LSAMP: variants seen among roughly 807,000 people sequenced by gnomAD.
LSAMP encodes the protein limbic system associated membrane protein, also known as limbic system-associated membrane protein.
Under a neutral mutation model 38.6 loss-of-function variants are expected in LSAMP, and 7 were observed. That is an observed-to-expected ratio of 0.18 (90% CI 0.10 to 0.34). The LOEUF is 0.34. Among genes scored for constraint, LSAMP ranks in the 10% least tolerant of loss-of-function variants. LSAMP has a pLI of 1.00. For synonymous variants in LSAMP, 154 were observed against 166.8 expected (o/e 0.92, Z 0.59); for missense variants, 313 against 420.0 (o/e 0.75, Z 2.23).
chr3:116,391,589 G>GC (rs1440890973), intron 1 of LSAMP, among the ~76,000 whole-genome samples: 1 of 152,074 alleles, frequency 6.6e-6, no homozygotes, highest in Admixed American at 6.5e-5. Flanking sequence ...GCAGGGCGCG[G>GC]GGGTGGCAAG....
chr3:116,409,643 CTCCATATTAACGTAT>C (rs1459109754), intron 1 of LSAMP, among the ~76,000 whole-genome samples: 3 of 152,008 alleles, frequency 2.0e-5, no homozygotes, highest in Admixed American at 1.3e-4. Flanking sequence ...CATTTAATTA[CTCCATATTAACGTAT>C]AAATACAAGG....
At chr3:115,839,947 T>C (rs1412108571) in intron 6 of LSAMP, among the ~76,000 whole-genome samples, 3 of 152,228 alleles carry the variant, frequency 2.0e-5, no homozygotes, top group African/African-American at 7.2e-5. Context: ...TGGACTTCTG[T>C]TATAGGGCAT....
chr3:116,160,414 GAGA>G, intron 1 of LSAMP, among the ~76,000 whole-genome samples: 1 of 139,754 alleles, frequency 7.2e-6, no homozygotes, highest in African/African-American at 2.6e-5. Flanking sequence ...AAGAAAGAGA[GAGA>G]GGGAGGGAGG....
At chr3:116,267,611 CAAAAA>C (rs59540404) in intron 1 of LSAMP, among the ~76,000 whole-genome samples, 1 of 140,120 alleles carries the variant, frequency 7.1e-6, no homozygotes, top group East Asian at 2.1e-4. Flanking sequence ...TTTAAGCTGG[CAAAAA>C]AAAAAAAAAA....
At chr3:115,939,334 C>T (rs540943762) in intron 3 of LSAMP, among the ~76,000 whole-genome samples, 95 of 152,106 alleles carry the variant, frequency 6.2e-4, no homozygotes, top group African/African-American at 2.2e-3. Flanking sequence ...TCTAGGGATG[C>T]AGCATTGTAC....
intron 1 of LSAMP, among the ~76,000 whole-genome samples, chr3:116,325,587 G>T (rs2047759619): frequency 6.6e-6 from 1 of 152,088 alleles, no homozygotes; most frequent in Admixed American, 6.6e-5. Context: ...ATATATAACA[G>T]GAACAAACAG....
At chr3:116,273,813 T>TC (rs1366882405) in intron 1 of LSAMP, among the ~76,000 whole-genome samples, 28,193 of 136,148 alleles carry the variant, frequency 0.21, 3,229 homozygotes, top group African/African-American at 0.26. Flanking sequence ...TTTTCTTTCT[T>TC]TCTCTCTCTC....
At position 115,803,717 on chromosome 3, in the gene LSAMP, T is replaced by C. The variant is rs1204833576; in HGVS notation, c.*6600A>G. On this transcript the variant is annotated 3_prime_UTR_variant, in exon 7 of 7. Transcript: ENST00000490035. ...ATTTGCTTTATTTCATAGCCTATAA[T>C]TCAAGCTTTGGGAAACTTATCCCAT... The C allele has an allele frequency of 1.3e-5, 2 of 152,194 alleles. No individual in the cohort carries two copies. Among genetic ancestry groups the C allele is most frequent in the South Asian group, 2.1e-4 (1 of 4,826 alleles). The allele number at this position is 152,194 out of a possible 1,614,324, so 9.4% of individuals were successfully genotyped here.
intron 1 of LSAMP, among the ~76,000 whole-genome samples, chr3:116,212,337 G>C (rs1007107384): frequency 5.3e-5 from 8 of 151,888 alleles, no homozygotes; most frequent in African/African-American, 1.9e-4. Context: ...TTTTTGTTTT[G>C]TTTTTCATTT....
intron 1 of LSAMP, among the ~76,000 whole-genome samples, chr3:116,243,480 C>A (rs758511298): frequency 2.0e-5 from 3 of 152,108 alleles, no homozygotes; most frequent in Non-Finnish European, 4.4e-5. Context: ...TTTCACTTTT[C>A]TATGTGTTAG....
chr3:116,052,856 C>A (rs996123072), intron 2 of LSAMP, among the ~76,000 whole-genome samples: 2 of 152,200 alleles, frequency 1.3e-5, no homozygotes, highest in African/African-American at 4.8e-5. Flanking sequence ...GCTCCCTGGA[C>A]TCTCTAACCT....
chr3:116,065,751 A>T (rs1316357478), intron 2 of LSAMP, among the ~76,000 whole-genome samples: 1 of 152,178 alleles, frequency 6.6e-6, no homozygotes, highest in East Asian at 1.9e-4. Flanking sequence ...TTTTGTTTAT[A>T]TTCCTCCTCT....
chr3:115,864,722 TA>T (rs1327418160), intron 3 of LSAMP, among the ~76,000 whole-genome samples: 1 of 152,094 alleles, frequency 6.6e-6, no homozygotes, highest in Non-Finnish European at 1.5e-5. Context: ...CCTCCCAGCC[TA>T]AACAGTGTGA....
chr3:116,412,999 AT>A (rs2049000045), intron 1 of LSAMP, among the ~76,000 whole-genome samples: 1 of 152,056 alleles, frequency 6.6e-6, no homozygotes, highest in Non-Finnish European at 1.5e-5. Context: ...GATTCTCAAA[AT>A]GTGGTTTCTT....
intron 1 of LSAMP, among the ~76,000 whole-genome samples, chr3:116,134,137 GT>G (rs1273880779): frequency 6.6e-6 from 1 of 151,872 alleles, no homozygotes; most frequent in Non-Finnish European, 1.5e-5. Context: ...GTTATTATTG[GT>G]TTAAAAAAAA....
intron 1 of LSAMP, among the ~76,000 whole-genome samples, chr3:116,271,863 G>A (rs1409616073): frequency 6.6e-6 from 1 of 151,998 alleles, no homozygotes; most frequent in African/African-American, 2.4e-5. Context: ...GAGAAGGATA[G>A]ATAGAAACTA....
intron 1 of LSAMP, among the ~76,000 whole-genome samples, chr3:116,248,477 A>ATG (rs3028670): frequency 0.031 from 4,420 of 140,580 alleles, 136 homozygotes; most frequent in African/African-American, 0.072. Context: ...CCTGTCTCTA[A>ATG]TGTGTGTGTG....
chr3:116,263,761 A>G (rs2046860507), intron 1 of LSAMP, among the ~76,000 whole-genome samples: 1 of 152,186 alleles, frequency 6.6e-6, no homozygotes, highest in African/African-American at 2.4e-5. Context: ...TAATGGTTAT[A>G]TCCACTAATA....
intron 3 of LSAMP, among the ~76,000 whole-genome samples, chr3:115,897,253 T>C (rs1467727946): frequency 6.6e-6 from 1 of 152,110 alleles, no homozygotes; most frequent in Non-Finnish European, 1.5e-5. Flanking sequence ...TTGTTGTATA[T>C]AATTTTCTCT....
Sources: gnomAD v4.1 joint callset for allele counts (sites outside exome capture counted in the v4.1 genomes callset) on GRCh38, gnomAD v4.1.1 for gene constraint, MANE v1.5 for transcripts, NCBI Gene and HGNC (gene_info 2026-07-23, HGNC 2026-07-21) for gene names.